ACTR3C: variants seen among roughly 807,000 people sequenced by gnomAD.
ACTR3C encodes the protein actin-related protein 3C.
In ACTR3C, 18 loss-of-function variants were observed where a neutral mutation model predicts 26.3. The observed-to-expected ratio is 0.68, with a 90% CI of 0.47 to 1.01. The LOEUF (loss-of-function observed/expected upper bound fraction) is 1.01. Among genes scored for constraint, ACTR3C ranks in the 50% least tolerant of loss-of-function variants. The pLI is 0.00. For synonymous variants in ACTR3C, 55 were observed against 94.5 expected (o/e 0.58, Z 2.42); for missense variants, 184 against 250.7 (o/e 0.73, Z 1.80).
At chr7:150,032,345 G>A in the ACTR3C span, among the ~76,000 whole-genome samples, 1 of 152,182 alleles carries the variant, frequency 6.6e-6, no homozygotes, top group Non-Finnish European at 1.5e-5. Context: ...ATGAGACGCT[G>A]CAAGGTCTGC....
At chr7:149,917,682 G>A in the ACTR3C span, among the ~76,000 whole-genome samples, 1 of 136,204 alleles carries the variant, frequency 7.3e-6, no homozygotes, top group Non-Finnish European at 1.5e-5. Context: ...TGTCACCCAG[G>A]CTGGAGTGCA....
the ACTR3C span, among the ~76,000 whole-genome samples, chr7:149,928,139 T>G: frequency 6.6e-6 from 1 of 151,994 alleles, no homozygotes; most frequent in Non-Finnish European, 1.5e-5. Context: ...TTTCTAAAAA[T>G]CTAAGCCACA....
At chr7:150,245,616 A>G (rs1441869406), downstream of ACTR3C, 1 of 152,144 alleles carries the variant, frequency 6.6e-6, no homozygotes, top group African/African-American at 2.4e-5. Context: ...TGTGTGCCCA[A>G]GAAGGAAACA....
At chr7:150,150,863 C>A in the ACTR3C span, among the ~76,000 whole-genome samples, 1 of 136,578 alleles carries the variant, frequency 7.3e-6, no homozygotes, top group Non-Finnish European at 1.6e-5. Flanking sequence ...ACAATTAATA[C>A]TGATTTCAAA....
At chr7:150,064,399 C>T in the ACTR3C span, among the ~76,000 whole-genome samples, 17 of 142,552 alleles carry the variant, frequency 1.2e-4, no homozygotes, top group East Asian at 4.1e-4. Flanking sequence ...CCCAACCCCC[C>T]GCTAAAAATA....
chr7:150,031,725 C>T, the ACTR3C span, among the ~76,000 whole-genome samples: 1 of 152,022 alleles, frequency 6.6e-6, no homozygotes, highest in African/African-American at 2.4e-5. Context: ...TTTCTGCTCT[C>T]GGGGGTGGGG....
the ACTR3C span, among the ~76,000 whole-genome samples, chr7:150,082,842 A>G: frequency 0.074 from 11,207 of 151,796 alleles, 1,399 homozygotes; most frequent in African/African-American, 0.26. Context: ...AGGAGTATCT[A>G]TGGATTAGCA....
chr7:150,082,997 G>A, the ACTR3C span, among the ~76,000 whole-genome samples: 2 of 141,038 alleles, frequency 1.4e-5, no homozygotes, highest in East Asian at 4.4e-4. Flanking sequence ...CCAGGCTGGA[G>A]TGCAGTGGTG....
the ACTR3C span, among the ~76,000 whole-genome samples, chr7:150,034,331 T>C: frequency 1.6e-4 from 24 of 151,794 alleles, no homozygotes; most frequent in East Asian, 4.1e-3. Context: ...AAAGTCCAGC[T>C]GCCATCTTTT....
the ACTR3C span, among the ~76,000 whole-genome samples, chr7:150,213,658 A>G: frequency 1.3e-5 from 2 of 152,244 alleles, no homozygotes; most frequent in African/African-American, 4.8e-5. Context: ...GATCTAAACC[A>G]AAAGGGGCAG....
the ACTR3C span, among the ~76,000 whole-genome samples, chr7:149,996,582 A>AAATAAATAAATAAAT: frequency 6.7e-6 from 1 of 148,908 alleles, no homozygotes; most frequent in Non-Finnish European, 1.5e-5. Context: ...TTCTGGTAAA[A>AAATAAATAAATAAAT]AAATAAATAA....
At chr7:149,897,873 A>G in the ACTR3C span, among the ~76,000 whole-genome samples, 1 of 151,930 alleles carries the variant, frequency 6.6e-6, no homozygotes, top group Non-Finnish European at 1.5e-5. Flanking sequence ...GTGAGACTCC[A>G]TCTCAAAAAA....
At chr7:150,003,183 G>C in the ACTR3C span, 7 of 151,984 alleles carry the variant, frequency 4.6e-5, no homozygotes, top group Non-Finnish European at 7.4e-5. Flanking sequence ...GGTGTGTACA[G>C]TGTGGTGTAT....
the ACTR3C span, among the ~76,000 whole-genome samples, chr7:150,210,009 A>C: frequency 6.6e-6 from 1 of 151,274 alleles, no homozygotes; most frequent in Non-Finnish European, 1.5e-5. Context: ...AAAGACATTT[A>C]TGAAAAACTC....
the ACTR3C span, among the ~76,000 whole-genome samples, chr7:149,932,560 T>C: frequency 1.3e-5 from 2 of 152,144 alleles, no homozygotes; most frequent in African/African-American, 4.8e-5. Context: ...ACAACGACAA[T>C]GTTTTAAACA....
chr7:150,049,276 G>A, the ACTR3C span, among the ~76,000 whole-genome samples: 1 of 152,024 alleles, frequency 6.6e-6, no homozygotes, highest in African/African-American at 2.4e-5. Context: ...TGGAGTTGCT[G>A]GGCACGCGTC....
the ACTR3C span, among the ~76,000 whole-genome samples, chr7:150,227,701 G>GTTTTTTTTTTTTTTT: frequency 5.0e-4 from 47 of 94,228 alleles, no homozygotes; most frequent in African/African-American, 1.8e-3. Context: ...TTTTTTTTTT[G>GTTTTTTTTTTTTTTT]TTTTTTTTTT....
the ACTR3C span, among the ~76,000 whole-genome samples, chr7:149,948,479 G>C: frequency 0.02 from 2,968 of 149,858 alleles, 10 homozygotes; most frequent in African/African-American, 0.068. Context: ...CAGAGCCTGC[G>C]CGGAACACCT....
the ACTR3C span, among the ~76,000 whole-genome samples, chr7:149,971,507 C>T: frequency 2.6e-4 from 40 of 152,106 alleles, no homozygotes; most frequent in African/African-American, 4.1e-4. Flanking sequence ...TTCTCTAATG[C>T]GACTACTTTT....
Sources: gnomAD v4.1 joint callset for allele counts (sites outside exome capture counted in the v4.1 genomes callset) on GRCh38, gnomAD v4.1.1 for gene constraint, MANE v1.5 for transcripts, NCBI Gene and HGNC (gene_info 2026-07-23, HGNC 2026-07-21) for gene names.